The following FIBCD1 variants were observed in gnomAD, a reference collection of about 807,000 sequenced individuals.
FIBCD1 encodes fibrinogen C domain containing 1.
In FIBCD1, 47 loss-of-function variants were observed where a neutral mutation model predicts 45.1. The ratio of observed to expected loss-of-function variants is 1.04; its 90% confidence interval spans 0.82 to 1.33. The LOEUF (loss-of-function observed/expected upper bound fraction) is 1.33. FIBCD1 is among the 40% of genes most tolerant of loss of function. The probability of loss-of-function intolerance (pLI) is 0.00; values close to 1 mark genes in which losing one functional copy is unlikely to be tolerated. For synonymous variants in FIBCD1, 313 were observed against 308.1 expected (o/e 1.02, Z -0.17); for missense variants, 653 against 682.2 (o/e 0.96, Z 0.48).
At chr9:130,924,610 G>A (rs565728709) in intron 2 of FIBCD1, among the ~76,000 whole-genome samples, 1 of 152,334 alleles carries the variant, frequency 6.6e-6, no homozygotes, top group African/African-American at 2.4e-5. Context: ...GGGCCTCGAG[G>A]GCTGGGAGGG....
intron 2 of FIBCD1, among the ~76,000 whole-genome samples, chr9:130,925,151 C>CT (rs1832337440): frequency 1.3e-5 from 2 of 152,188 alleles, no homozygotes; most frequent in Admixed American, 6.5e-5. Flanking sequence ...AAACATCACT[C>CT]TGAGTTTCTG....
At chr9:130,927,653 G>A (rs986318461) in intron 2 of FIBCD1, among the ~76,000 whole-genome samples, 100 of 152,318 alleles carry the variant, frequency 6.6e-4, no homozygotes, top group African/African-American at 2.2e-3. Context: ...GGGGGTTGGG[G>A]ATGAGGCCCA....
At chr9:130,906,164 T>A (rs1831925230) in intron 5 of FIBCD1, among the ~76,000 whole-genome samples, 1 of 152,058 alleles carries the variant, frequency 6.6e-6, no homozygotes, top group Non-Finnish European at 1.5e-5. Context: ...TCCCTCCTGC[T>A]GTCCCCGCCC....
In FIBCD1 at chr9:130,922,761, G is replaced by C. The variant is rs1832284040; in HGVS notation, c.849+983C>G. Among the ~76,000 whole-genome samples, 1 of 152,038 alleles carries C rather than the reference G, an allele frequency of 6.6e-6. No individual in the cohort carries two copies. Among genetic ancestry groups the C allele is most frequent in the African/African-American group, 2.4e-5 (1 of 41,380 alleles). On this transcript the variant is annotated intron_variant, in intron 4 of 6. Coordinates refer to ENST00000372338, the MANE Select transcript of FIBCD1 (RefSeq NM_032843.5). This position sits in a 1 kb window ranked among gnomAD's most constrained non-coding sequence, Gnocchi z 4.5. ...GTGTGTCCCAACCCTGCAGCCTGGG[G>C]CTGGAACACTCCAGCCTCATCTCAT...
rs111512647 is a variant in FIBCD1 at position 130,908,195 on chromosome 9, C to T, written c.947-2782G>A. On this transcript the variant is annotated intron_variant, in intron 5 of 6. Coordinates refer to ENST00000372338, the MANE Select transcript of FIBCD1 (RefSeq NM_032843.5). Reference sequence around the variant, plus strand: ...TAATATATAGAGAGCTTCCATGACTCGATAGGAAAAGACAAAGCACTCATT... The same window carrying T: ...TAATATATAGAGAGCTTCCATGACTTGATAGGAAAAGACAAAGCACTCATT... 1.3e-3 allele frequency among the ~76,000 whole-genome samples: 196 copies of T among 152,210 alleles called. 2 individuals are homozygous for T. The highest frequency in any genetic ancestry group is 3.8e-3 in the African/African-American group (157 of 41,524).
intron 1 of FIBCD1, among the ~76,000 whole-genome samples, chr9:130,933,394 G>C (rs904093310): frequency 6.6e-6 from 1 of 152,146 alleles, no homozygotes; most frequent in African/African-American, 2.4e-5. Context: ...GATGCACACA[G>C]AGCCCCCAGC....
chr9:130,924,998 G>A (rs900884652), intron 2 of FIBCD1, among the ~76,000 whole-genome samples: 1 of 152,174 alleles, frequency 6.6e-6, no homozygotes, highest in Non-Finnish European at 1.5e-5. Flanking sequence ...TTCCGATCCC[G>A]AGCAAGGCTG....
intron 5 of FIBCD1, among the ~76,000 whole-genome samples, chr9:130,910,554 C>T (rs1588104063): frequency 6.6e-6 from 1 of 152,252 alleles, no homozygotes; most frequent in Non-Finnish European, 1.5e-5. Context: ...AGTCCCGGTG[C>T]GGGATCCACT....
Position 130,930,010 on chromosome 9 carries a change from G to T in FIBCD1, c.109C>A (p.Leu37Met). 6.5e-7 allele frequency: 1 copy of T among 1,530,758 alleles called. No homozygotes were observed. Among genetic ancestry groups the T allele is most frequent in the East Asian group, 2.4e-5 (1 of 42,002 alleles). 94.8% of individuals were successfully genotyped at this position (1,530,758 alleles called of 1,614,324 possible). A position where few individuals can be genotyped will look rare whatever the true frequency, so the allele number is the denominator to read the frequency against. Reference protein sequence around the residue: ...SCGYVLCTVLLALAVLLAVAV... With the variant: ...SCGYVLCTVLMALAVLLAVAV... The stretch of plus-strand genomic sequence containing the variant: ...ACAGCCAGCAGCACAGCCAGGGCCA[G>T]CAGCACGGTGCACAGCACGTAGCCG... Residue 37 changes from leucine (L) to methionine (M), a missense_variant, in exon 2 of 7, where the codon CTG (leucine) becomes ATG (methionine). By Grantham distance (15) the Leu-to-Met change is conservative. Transcript: ENST00000372338.
chr9:130,934,419 G>A (rs907214622), intron 1 of FIBCD1, among the ~76,000 whole-genome samples: 2 of 152,290 alleles, frequency 1.3e-5, no homozygotes, highest in East Asian at 3.9e-4. Flanking sequence ...GAACCCTGCC[G>A]AGGGCCATCT....
At chr9:130,915,118 A>G (rs946339859) in intron 4 of FIBCD1, among the ~76,000 whole-genome samples, 2 of 152,222 alleles carry the variant, frequency 1.3e-5, no homozygotes, top group African/African-American at 4.8e-5. Flanking sequence ...GCTTGGTGGC[A>G]GGTCCACTGA....
Position 130,924,373 on chromosome 9 carries a change from G to C in FIBCD1, c.576C>G (p.His192Gln), listed in dbSNP as rs545646071. ...TGACGGAGTTCACCAGGTGAGCCAT[G>C]TGGCCCTGGCTCTCAGAGAGAAGCT... ...LIQLLSESQGHMAHLVNSVSD... is the reference protein window; with the variant it reads ...LIQLLSESQGQMAHLVNSVSD... The change falls in exon 3 of 7, where the codon CAC becomes CAG. Residue 192 changes from histidine to glutamine, a missense_variant. His to Gln is a conservative substitution (Grantham distance 24). Transcript: ENST00000372338. The C allele has an allele frequency of 5.0e-6, 8 of 1,609,614 alleles. No individual in the cohort carries two copies. In the African/African-American group the frequency reaches 8.0e-5, roughly 16 times the overall value.
chr9:130,932,435 C>G (rs142824059), intron 1 of FIBCD1, among the ~76,000 whole-genome samples: 1 of 152,126 alleles, frequency 6.6e-6, no homozygotes, highest in African/African-American at 2.4e-5. Flanking sequence ...TCTTGGGGGC[C>G]GCGTCCATTC....
At position 130,938,588 on chromosome 9, in the gene FIBCD1, T is replaced by C. The variant is rs1423484907; in HGVS notation, c.20A>G (p.Lys7Arg). 2.7e-6 allele frequency: 4 copies of C among 1,477,978 alleles called. No individual in the cohort carries two copies. Among genetic ancestry groups the C allele is most frequent in the Non-Finnish European group, 3.6e-6 (4 of 1,118,378 alleles). 91.6% of individuals were successfully genotyped at this position (1,477,978 alleles called of 1,614,324 possible). A position where few individuals can be genotyped will look rare whatever the true frequency, so the allele number is the denominator to read the frequency against. The change falls in exon 1 of 7, where the codon AAG becomes AGG. Residue 7 changes from lysine to arginine, a missense_variant. Physicochemically the swap from Lys to Arg is conservative, Grantham distance 26. Coordinates refer to ENST00000372338, the MANE Select transcript of FIBCD1 (RefSeq NM_032843.5). Reference sequence around the variant, plus strand: ...AAGTTGGGCAGCGCCGCCCATGGTCTTCCACCGGTCGTTGACCATCTTCCG... The same window carrying C: ...AAGTTGGGCAGCGCCGCCCATGGTCCTCCACCGGTCGTTGACCATCTTCCG... MVNDRW[K>R]TMGGAAQLED...
intron 1 of FIBCD1, among the ~76,000 whole-genome samples, chr9:130,934,501 G>A (rs983108826): frequency 5.3e-5 from 8 of 152,192 alleles, no homozygotes. Flanking sequence ...GCCCCACAGA[G>A]CTCCCAGCCT....
intron 1 of FIBCD1, among the ~76,000 whole-genome samples, chr9:130,936,059 C>T (rs1205945243): frequency 6.6e-6 from 1 of 152,192 alleles, no homozygotes; most frequent in Non-Finnish European, 1.5e-5. Context: ...AGGCATCCTC[C>T]TCATGAGTAC....
chr9:130,913,238 TTC>T (rs1832096321), intron 4 of FIBCD1, among the ~76,000 whole-genome samples: 1 of 147,062 alleles, frequency 6.8e-6, no homozygotes, highest in Non-Finnish European at 1.5e-5. Flanking sequence ...CCAGCCCTCT[TTC>T]TGTTTAACAA....
At chr9:130,920,759 C>A (rs1271596767) in intron 4 of FIBCD1, among the ~76,000 whole-genome samples, 1 of 152,148 alleles carries the variant, frequency 6.6e-6, no homozygotes. Flanking sequence ...CTCCCTGCCC[C>A]TCACTCCTCC....
chr9:130,930,107 C>G, intron 1 of FIBCD1, 61 bp from the exon 2 acceptor site: 22 of 1,462,092 alleles, frequency 1.5e-5, no homozygotes, highest in Non-Finnish European at 2.0e-5. Context: ...AAGGGGCCAG[C>G]ATTAGAGGCA....
Sources: gnomAD v4.1 joint callset for allele counts (sites outside exome capture counted in the v4.1 genomes callset) on GRCh38, gnomAD v4.1.1 for gene constraint, Gnocchi (gnomAD v3.1) non-coding constraint, MANE v1.5 for transcripts, NCBI Gene and HGNC (gene_info 2026-07-23, HGNC 2026-07-21) for gene names.